Variants in SHC1 observed in about 807,000 individuals in gnomAD.
The protein encoded by SHC1 is SHC-transforming protein 1.
SHC1 carries 30 observed loss-of-function variants against 55.9 expected under a neutral mutation model. The ratio of observed to expected loss-of-function variants is 0.54; its 90% CI spans 0.40 to 0.73. The LOEUF is 0.73. Among genes scored for constraint, SHC1 ranks in the 30% least tolerant of loss-of-function variants. The pLI is 0.00. For synonymous variants in SHC1, 309 were observed against 306.1 expected (o/e 1.01, Z -0.10); for missense variants, 675 against 777.1 (o/e 0.87, Z 1.56).
chr1:154,971,755 G>A (rs796438146), upstream of SHC1, among the ~76,000 whole-genome samples: 2 of 152,322 alleles, frequency 1.3e-5, no homozygotes, highest in African/African-American at 4.8e-5. Flanking sequence ...AAGGGACAGA[G>A]AGATCAGAAG....
In SHC1 at chr1:154,970,739, C is replaced by T. The variant is rs1656660033; in HGVS notation, c.-213G>A. 1 of 487,526 alleles carries T rather than the reference C, an allele frequency of 2.1e-6. No homozygotes were observed. Among genetic ancestry groups the T allele is most frequent in the Non-Finnish European group, 3.6e-6 (1 of 276,998 alleles). 30.2% of individuals were successfully genotyped at this position (487,526 alleles called of 1,614,324 possible). ...GCCCCATCCCCGCCCAACGTGGAGC[C>T]TCTTCTCTGGCTGAGAAGAGAACAG... On this transcript the variant is annotated 5_prime_UTR_variant, in exon 1 of 12. Transcript: ENST00000448116. The surrounding 1 kb of genome is among the most constrained non-coding windows in gnomAD (Gnocchi z 5.5).
Position 154,966,014 on chromosome 1 carries a change from G to A in SHC1, c.1319C>T (p.Ala440Val). 1 of 1,614,104 alleles carries A rather than the reference G, an allele frequency of 6.2e-7. No homozygotes were observed. The highest frequency in any genetic ancestry group is 8.5e-7 in the Non-Finnish European group (1 of 1,180,000). The change falls in exon 10 of 12, where the codon GCA (alanine) becomes GTA (valine). Residue 440 changes from alanine to valine, a missense_variant. This residue lies in a region of SHC1 where 360 missense variants were observed against 371.1 expected (regional missense o/e 0.97). Transcript: ENST00000448116. ...NVQNLDKARQ[A>V]VGGAGPPNPA... ...ATTGGGGGGCCCAGCACCACCCACT[G>A]CTTGCCGGGCCTTGTCTAGGTTCTG... is the stretch of plus-strand genomic sequence containing the variant.
chr1:154,965,352 A>G (rs1571425317), intron 11 of SHC1, 191 bp downstream of exon 11: 1 of 1,567,424 alleles, frequency 6.4e-7, no homozygotes, highest in Admixed American at 1.8e-5. Flanking sequence ...CCAGGACTAT[A>G]AAGAACATAG....
In SHC1 at chr1:154,968,219, T is replaced by C. The variant is rs144359625; in HGVS notation, c.789A>G (p.Ala263=). The C allele has an allele frequency of 2.8e-4, 448 of 1,614,008 alleles. No homozygotes were observed. The highest frequency in any genetic ancestry group is 9.9e-4 in the Middle Eastern group (6 of 6,084). The change falls in exon 5 of 12, where the codon GCA becomes GCG. Residue 263 remains alanine, a synonymous_variant. Transcript: ENST00000448116. ...CCCAACTCACCGGATCCCCGCCGGA[T>C]GCAAATGAGATAGATTGCATGTGGT... ...ANHHMQSISF[A]SGGDPDTAEY... is the part of the protein sequence containing the mutation.
chr1:154,965,837 C>T, intron 10 of SHC1, 56 bp from the exon 11 acceptor site: 1 of 1,576,270 alleles, frequency 6.3e-7, no homozygotes, highest in Non-Finnish European at 8.7e-7. Flanking sequence ...ACACCCAAGA[C>T]CCAGACTTCA....
chr1:154,970,031 C>T lies in SHC1; in HGVS notation c.495+1G>A, dbSNP rs1325153826. On this transcript the variant is annotated splice_donor_variant, in intron 1 of 11. Transcript: ENST00000448116. LOFTEE classifies it high-confidence loss of function. This position sits in a 1 kb window ranked among gnomAD's most constrained non-coding sequence, Gnocchi z 5.5. ...GAATGGAGAGGAGGATGTTCACTCA[C>T]CCGAACCAAGTAGGAAACCCCGGGT... The T allele has an allele frequency of 6.2e-7, 1 of 1,613,690 alleles. No individual in the cohort carries two copies. The highest frequency in any genetic ancestry group is 8.5e-7 in the Non-Finnish European group (1 of 1,179,930).
At chr1:154,971,374 G>A (rs1656732158), upstream of SHC1, among the ~76,000 whole-genome samples, 1 of 152,094 alleles carries the variant, frequency 6.6e-6, no homozygotes, top group South Asian at 2.1e-4. Context: ...CAAAGCTGGT[G>A]AAAAAAGGGG....
upstream of SHC1, chr1:154,974,357 G>A: frequency 6.4e-6 from 2 of 314,914 alleles, no homozygotes; most frequent in Non-Finnish European, 1.2e-5. Context: ...CTGCCTCCCT[G>A]GAGAAACTTT....
upstream of SHC1, among the ~76,000 whole-genome samples, chr1:154,972,142 G>A (rs1480523248): frequency 6.6e-6 from 1 of 151,860 alleles, no homozygotes; most frequent in African/African-American, 2.4e-5. Flanking sequence ...CAGCTCAGGA[G>A]GCTGAGGCAG....
chr1:154,974,028 T>G (rs1380082178), upstream of SHC1, among the ~76,000 whole-genome samples: 4 of 147,076 alleles, frequency 2.7e-5, no homozygotes, highest in Admixed American at 6.8e-5. Flanking sequence ...TGTCGGGGGG[T>G]GGGGACTTCC....
chr1:154,966,630 G>A, intron 7 of SHC1, 113 bp from the exon 8 acceptor site: 1 of 717,590 alleles, frequency 1.4e-6, no homozygotes, highest in Non-Finnish European at 2.3e-6. Context: ...TTAAGCCTGA[G>A]GCTGAGTGTT....
intron 11 of SHC1, chr1:154,965,297 A>G: frequency 7.8e-7 from 1 of 1,280,180 alleles, no homozygotes; most frequent in Non-Finnish European, 1.0e-6. Flanking sequence ...TCAGCCTCCC[A>G]AAGCGCTGGG....
In SHC1 at chr1:154,969,448, A is replaced by C; in HGVS notation, c.496T>G (p.Tyr166Asp). The change falls in exon 2 of 12, where the codon TAC becomes GAC. Residue 166 changes from tyrosine (Y) to aspartate (D), a missense_variant and splice_region_variant. By Grantham distance (160) the Tyr-to-Asp change is radical (BLOSUM62 -3). Coordinates refer to ENST00000448116, the MANE Select transcript of SHC1 (RefSeq NM_001130040.2). ...MGPGVSYLVR[Y>D]MGCVEVLQSM... ...TGGAGGACCTCCACACAACCCATGT[A>C]CTAAGGGGAGGGAGAAGAGGACAGC... 6.2e-7 allele frequency: 1 copy of C among 1,609,646 alleles called. No homozygotes were observed. Among genetic ancestry groups the C allele is most frequent in the Non-Finnish European group, 8.5e-7 (1 of 1,176,888 alleles).
chr1:154,969,952 AAG>A, intron 1 of SHC1, 78 bp downstream of exon 1: 4 of 1,500,834 alleles, frequency 2.7e-6, no homozygotes, highest in South Asian at 2.4e-5. Flanking sequence ...AGCAGGAAAA[AAG>A]AGATTCCGGC....
chr1:154,973,825 G>C (rs906650499), upstream of SHC1, among the ~76,000 whole-genome samples: 1 of 152,174 alleles, frequency 6.6e-6, no homozygotes, highest in African/African-American at 2.4e-5. Flanking sequence ...ACAGTCAGAC[G>C]TGGATTACGG....
Position 154,968,849 on chromosome 1 carries a change from G to T in SHC1, c.567-15C>A. 1 of 1,612,928 alleles carries T rather than the reference G, an allele frequency of 6.2e-7. No homozygotes were observed. The highest frequency in any genetic ancestry group is 8.5e-7 in the Non-Finnish European group (1 of 1,178,932). On this transcript the variant is annotated splice_polypyrimidine_tract_variant and intron_variant, in intron 2 of 11. Coordinates refer to ENST00000448116, the MANE Select transcript of SHC1 (RefSeq NM_001130040.2). ...TGATGGCCTCCCTGGGGAAAGAGGG[G>T]TACTCAGACCCAGCGCCTGCCTGCC...
At chr1:154,969,332 C>G in intron 2 of SHC1, 46 bp downstream of exon 2, 1 of 1,339,704 alleles carries the variant, frequency 7.5e-7, no homozygotes, top group Non-Finnish European at 1.1e-6. Flanking sequence ...TTTCCCATGG[C>G]CTCACTAATC....
At chr1:154,969,999 T>C (rs1186132605) in intron 1 of SHC1, 33 bp downstream of exon 1, 1 of 1,611,036 alleles carries the variant, frequency 6.2e-7, no homozygotes, top group East Asian at 2.2e-5. Context: ...GGAGGGGGTC[T>C]GCGGGGGAAT....
Position 154,963,946 on chromosome 1 carries a change from A to C in SHC1, c.1627-15T>G. ...TTAGTCCGAACCTGGGAGGGTGGGA[A>C]GGAAGAAGGTCAATTCAGGTGAAGA... On this transcript the variant is annotated splice_polypyrimidine_tract_variant and intron_variant, in intron 11 of 11. Transcript: ENST00000448116. The C allele has an allele frequency of 1.9e-6, 3 of 1,613,862 alleles. No homozygotes were observed. Among genetic ancestry groups the C allele is most frequent in the Non-Finnish European group, 2.5e-6 (3 of 1,179,844 alleles).
Sources: gnomAD v4.1 joint callset for allele counts (sites outside exome capture counted in the v4.1 genomes callset) on GRCh38, gnomAD v4.1.1 for gene constraint, gnomAD v4.1.1 regional missense constraint, Gnocchi (gnomAD v3.1) non-coding constraint, MANE v1.5 for transcripts, NCBI Gene and HGNC (gene_info 2026-07-23, HGNC 2026-07-21) for gene names.